PLCB1: variants seen among roughly 807,000 people sequenced by gnomAD.
PLCB1 encodes the protein 1-phosphatidylinositol 4,5-bisphosphate phosphodiesterase beta-1.
PLCB1 carries 46 observed loss-of-function variants against 161.8 expected under a neutral mutation model. That is an observed-to-expected ratio of 0.28 (90% CI 0.22 to 0.36). PLCB1 has a LOEUF of 0.36. PLCB1 is among the 10% of genes least tolerant of loss of function. The pLI, the probability that PLCB1 is intolerant of heterozygous loss-of-function variation, is 1.00. For synonymous variants in PLCB1, 517 were observed against 503.7 expected (o/e 1.03, Z -0.35); for missense variants, 1,016 against 1,472.5 (o/e 0.69, Z 5.07).
intron 2 of PLCB1, among the ~76,000 whole-genome samples, chr20:8,315,008 T>G (rs1984574541): frequency 6.6e-6 from 1 of 152,216 alleles, no homozygotes; most frequent in Admixed American, 6.5e-5. Context: ...TCTGTAGTCT[T>G]CACATCTGAG....
At chr20:8,825,387 G>T (rs1985643913) in intron 31 of PLCB1, among the ~76,000 whole-genome samples, 1 of 152,212 alleles carries the variant, frequency 6.6e-6, no homozygotes, top group Non-Finnish European at 1.5e-5. Flanking sequence ...AAGAGCCAAA[G>T]GCTGAGTAGG....
At chr20:8,720,556 A>G (rs907467754) in intron 14 of PLCB1, among the ~76,000 whole-genome samples, 2 of 152,076 alleles carry the variant, frequency 1.3e-5, no homozygotes, top group Non-Finnish European at 2.9e-5. Flanking sequence ...TGCCTCTTGC[A>G]GGATTCAGCC....
At chr20:8,305,082 GTGT>G (rs1293811746) in intron 2 of PLCB1, among the ~76,000 whole-genome samples, 1 of 152,200 alleles carries the variant, frequency 6.6e-6, no homozygotes, top group Non-Finnish European at 1.5e-5. Flanking sequence ...TTTTGAGGAT[GTGT>G]TGTTGTTATT....
At chr20:8,412,156 C>G (rs1487711418) in intron 3 of PLCB1, among the ~76,000 whole-genome samples, 2 of 152,208 alleles carry the variant, frequency 1.3e-5, no homozygotes, top group African/African-American at 2.4e-5. Context: ...TTAGTTATTG[C>G]TACAGTAAAG....
intron 2 of PLCB1, among the ~76,000 whole-genome samples, chr20:8,166,264 T>C (rs1331916936): frequency 1.3e-5 from 2 of 152,182 alleles, no homozygotes; most frequent in Non-Finnish European, 2.9e-5. Flanking sequence ...TCCTCCAAAT[T>C]AGTCTTTCTT....
intron 3 of PLCB1, among the ~76,000 whole-genome samples, chr20:8,518,960 T>C (rs1248484089): frequency 6.6e-6 from 1 of 151,972 alleles, no homozygotes; most frequent in African/African-American, 2.4e-5. Flanking sequence ...CTTGCTCCTA[T>C]AAGAATCTAA....
chr20:8,761,188 GA>G (rs1555788677), intron 25 of PLCB1, among the ~76,000 whole-genome samples: 1 of 152,088 alleles, frequency 6.6e-6, no homozygotes, highest in Non-Finnish European at 1.5e-5. Flanking sequence ...TAATGTTGAG[GA>G]AAAAAGTCAG....
intron 2 of PLCB1, among the ~76,000 whole-genome samples, chr20:8,173,327 A>G (rs2051751279): frequency 1.3e-5 from 2 of 152,134 alleles, no homozygotes; most frequent in African/African-American, 4.8e-5. Flanking sequence ...TTCTCTCACC[A>G]AGAGACACTG....
chr20:8,379,956 T>C (rs1292894343), intron 3 of PLCB1, among the ~76,000 whole-genome samples: 1 of 152,208 alleles, frequency 6.6e-6, no homozygotes, highest in Non-Finnish European at 1.5e-5. Flanking sequence ...GTACAGAAGC[T>C]CTTTAGTTTA....
intron 31 of PLCB1, among the ~76,000 whole-genome samples, chr20:8,851,872 T>C (rs186389367): frequency 5.3e-4 from 81 of 152,312 alleles, no homozygotes; most frequent in African/African-American, 1.8e-3. Flanking sequence ...CTGGCATCTT[T>C]TTCCCCCAGT....
intron 31 of PLCB1, among the ~76,000 whole-genome samples, chr20:8,824,700 A>C (rs897767164): frequency 2.0e-5 from 3 of 152,220 alleles, no homozygotes; most frequent in Non-Finnish European, 4.4e-5. Flanking sequence ...ATAAATTATA[A>C]TTATAAGTGT....
intron 31 of PLCB1, 23 bp from the exon 32 acceptor site, chr20:8,881,598 AT>A: frequency 6.4e-7 from 1 of 1,574,112 alleles, no homozygotes; most frequent in Non-Finnish European, 8.7e-7. Context: ...ACTTCAAGTC[AT>A]CTCCCCTCTT....
chr20:8,207,514 G>GAGTGCCTTAGTCACTCATAT (rs367972384), intron 2 of PLCB1, among the ~76,000 whole-genome samples: 4,086 of 152,168 alleles, frequency 0.027, 205 homozygotes, highest in African/African-American at 0.093. Context: ...GGATGCTGGT[G>GAGTGCCTTAGTCACTCATAT]AGTGCCTCCC....
At chr20:8,727,073 G>A (rs972325060) in intron 16 of PLCB1, among the ~76,000 whole-genome samples, 15 of 151,768 alleles carry the variant, frequency 9.9e-5, no homozygotes, top group African/African-American at 3.6e-4. Context: ...AATTACAAAA[G>A]CATAAGTAGC....
intron 2 of PLCB1, among the ~76,000 whole-genome samples, chr20:8,354,628 C>G: frequency 6.6e-6 from 1 of 152,176 alleles, no homozygotes; most frequent in Admixed American, 6.5e-5. Context: ...AGTGGAGGCT[C>G]TGATACACTT....
intron 31 of PLCB1, among the ~76,000 whole-genome samples, chr20:8,842,535 G>A (rs1032562563): frequency 2.0e-5 from 3 of 152,104 alleles, no homozygotes; most frequent in Non-Finnish European, 4.4e-5. Flanking sequence ...AGGACGAGCC[G>A]CAGACAAGAA....
At chr20:8,608,531 C>T (rs1167361374) in intron 3 of PLCB1, among the ~76,000 whole-genome samples, 3 of 152,130 alleles carry the variant, frequency 2.0e-5, no homozygotes, top group Non-Finnish European at 4.4e-5. Context: ...AATTAGATAG[C>T]CTTACATTAT....
intron 27 of PLCB1, among the ~76,000 whole-genome samples, chr20:8,787,905 T>G (rs6077423): frequency 0.32 from 48,587 of 152,220 alleles, 7,819 homozygotes; most frequent in Middle Eastern, 0.48. Context: ...TGTCAACTTC[T>G]AAGATGGGAA....
At chr20:8,867,187 A>G (rs923810576) in intron 31 of PLCB1, among the ~76,000 whole-genome samples, 5 of 152,190 alleles carry the variant, frequency 3.3e-5, no homozygotes, top group African/African-American at 1.2e-4. Flanking sequence ...AAGTTCAGTA[A>G]TTACTAATCC....
Sources: allele counts gnomAD v4.1 joint callset (sites outside exome capture counted in the v4.1 genomes callset), GRCh38; gene constraint gnomAD v4.1.1; transcripts MANE v1.5; gene names NCBI Gene and HGNC (gene_info 2026-07-23, HGNC 2026-07-21).